The following KANK1 variants were observed in gnomAD, a reference collection of about 807,000 sequenced individuals.
KANK1 encodes KN motif and ankyrin repeat domains 1, also known as KN motif and ankyrin repeat domain-containing protein 1.
In KANK1, 109 loss-of-function variants were observed where a neutral mutation model predicts 106.2. The ratio of observed to expected loss-of-function variants is 1.03; its 90% confidence interval spans 0.88 to 1.20. The LOEUF (loss-of-function observed/expected upper bound fraction) is 1.20. Among genes scored for constraint, KANK1 ranks in the 50% most tolerant of loss-of-function variants. KANK1 has a pLI of 0.00. For missense variants in KANK1, 2,399 were observed against 1,710.7 expected (o/e 1.40, Z -7.10); for synonymous variants, 873 against 652.2 (o/e 1.34, Z -5.16).
chr9:633,342 C>T (rs963753101), intron 1 of KANK1, among the ~76,000 whole-genome samples: 3 of 152,058 alleles, frequency 2.0e-5, no homozygotes, highest in African/African-American at 7.2e-5. Context: ...CCTGTAGTCC[C>T]AGCTACTTGG....
chr9:651,079 C>A (rs1239405268), intron 1 of KANK1, among the ~76,000 whole-genome samples: 1 of 152,118 alleles, frequency 6.6e-6, no homozygotes, highest in Non-Finnish European at 1.5e-5. Context: ...ACAAAAAGTC[C>A]TCATCTGTGA....
At chr9:737,492 C>T (rs1229953674) in intron 7 of KANK1, among the ~76,000 whole-genome samples, 1 of 152,190 alleles carries the variant, frequency 6.6e-6, no homozygotes, top group Admixed American at 6.5e-5. Context: ...TCCTCATCAC[C>T]AGTACTGACT....
At chr9:595,462 A>G (rs1825981401) in intron 1 of KANK1, among the ~76,000 whole-genome samples, 1 of 151,956 alleles carries the variant, frequency 6.6e-6, no homozygotes, top group Admixed American at 6.5e-5. Flanking sequence ...AAAGCCTGCA[A>G]AATGAGCCTG....
intron 2 of KANK1, among the ~76,000 whole-genome samples, chr9:703,349 A>T (rs554202745): frequency 6.6e-6 from 1 of 152,174 alleles, no homozygotes; most frequent in African/African-American, 2.4e-5. Context: ...GGTGTTTGGT[A>T]GTCATCTCTC....
intron 2 of KANK1, among the ~76,000 whole-genome samples, chr9:691,281 A>G (rs898394497): frequency 1.4e-5 from 2 of 140,272 alleles, no homozygotes; most frequent in African/African-American, 5.2e-5. Flanking sequence ...ACCAGAACAC[A>G]ATATTTATGA....
At chr9:518,027 C>CT (rs1211029386) in intron 1 of KANK1, among the ~76,000 whole-genome samples, 2 of 151,632 alleles carry the variant, frequency 1.3e-5, no homozygotes, top group African/African-American at 4.9e-5. Context: ...CATGAGCCAC[C>CT]TTGCCCGGCC....
At chr9:477,673 G>A (rs1270036656) in intron 3 of KANK1, 3 of 152,232 alleles carry the variant, frequency 2.0e-5, no homozygotes, top group Non-Finnish European at 4.4e-5. Context: ...AATCCCAAAA[G>A]AAGAAAAAGA....
At position 543,277 on chromosome 9, in the gene KANK1, C is replaced by T. The variant is rs889343229; in HGVS notation, c.-84+38523C>T. On this transcript the variant is annotated intron_variant, in intron 1 of 11. Transcript: ENST00000382297. ...TAATGTGCTTGGAGAACATTGAGGC[C>T]GGGCACGGTGGCTCATGCTTGTAAT... Among the ~76,000 whole-genome samples, 5 of 151,834 alleles carry T rather than the reference C, an allele frequency of 3.3e-5. No homozygotes were observed. In the South Asian group the frequency reaches 6.2e-4, roughly 19 times the overall value.
Position 731,535 on chromosome 9 carries a change from C to T in KANK1, c.3005+269C>T, listed in dbSNP as rs78267743. 1,195 of 276,392 alleles carry T rather than the reference C, an allele frequency of 4.3e-3. 13 individuals carry two copies. Among genetic ancestry groups the T allele is most frequent in the African/African-American group, 0.019 (865 of 44,996 alleles). The allele number at this position is 276,392 out of a possible 1,614,324, so 17.1% of individuals were successfully genotyped here. On this transcript the variant is annotated intron_variant, in intron 5 of 11. Coordinates refer to ENST00000382297, the MANE Select transcript of KANK1 (RefSeq NM_015158.5). The stretch of plus-strand genomic sequence containing the variant: ...TCTGAAAGAAATAGTCTTCAGCGAA[C>T]GCAGCAGGGTTCCTGCACTGTGTTG...
chr9:576,131 A>G (rs1171774522), intron 1 of KANK1, among the ~76,000 whole-genome samples: 2 of 152,238 alleles, frequency 1.3e-5, no homozygotes, highest in Non-Finnish European at 2.9e-5. Context: ...TTTAGGCCCT[A>G]TCAGACCTAC....
At chr9:653,294 TC>T (rs1044849720) in intron 1 of KANK1, among the ~76,000 whole-genome samples, 15 of 152,094 alleles carry the variant, frequency 9.9e-5, no homozygotes, top group Non-Finnish European at 2.1e-4. Context: ...AAAATGCGGT[TC>T]CCAGGCTCGT....
rs930379147 is a variant in KANK1 at position 742,357 on chromosome 9, C to G, written c.3849C>G (p.Val1283=). The G allele has an allele frequency of 6.2e-7, 1 of 1,614,086 alleles. No homozygotes were observed. The highest frequency in any genetic ancestry group is 1.3e-5 in the African/African-American group (1 of 75,062). ...GCGAGCACGGACACGTGGAGATTGT[C>G]AAGCTGCTGCTGGCCCAGCCCGGCT... is the stretch of plus-strand genomic sequence containing the variant. The part of the protein sequence containing the change: ...CASEHGHVEI[V]KLLLAQPGCN... Residue 1283 remains valine (V), a synonymous_variant, in exon 10 of 12, where the codon GTC becomes GTG. Coordinates refer to ENST00000382297, the MANE Select transcript of KANK1 (RefSeq NM_015158.5).
intron 1 of KANK1, among the ~76,000 whole-genome samples, chr9:528,139 G>GGAAAAA (rs1411435628): frequency 6.4e-5 from 8 of 125,884 alleles, no homozygotes; most frequent in African/African-American, 2.3e-4. Flanking sequence ...TCCGTCTCGG[G>GGAAAAA]AAAAAAAAAA....
At chr9:577,651 AGAAACAGCATCACTTGGAAACTT>A (rs1450876180) in intron 1 of KANK1, among the ~76,000 whole-genome samples, 9 of 152,190 alleles carry the variant, frequency 5.9e-5, no homozygotes, top group Non-Finnish European at 8.8e-5. Context: ...TCCCTTGACC[AGAAACAGCATCACTTGGAAACTT>A]GGTAGAAGTA....
At chr9:537,522 T>G (rs2060363347) in intron 1 of KANK1, among the ~76,000 whole-genome samples, 1 of 152,216 alleles carries the variant, frequency 6.6e-6, no homozygotes, top group African/African-American at 2.4e-5. Flanking sequence ...GGGCTCTTTT[T>G]TTCTCTTGAG....
At position 609,365 on chromosome 9, in the gene KANK1, C is replaced by G. The variant is rs559100870; in HGVS notation, c.-83-67525C>G. On this transcript the variant is annotated intron_variant, in intron 1 of 11. Transcript: ENST00000382297. ...TCAATAGGCTGGGCATCGTGGCTCA[C>G]GCCTGTAATCCCAGCACTTTGGGAG... is the stretch of plus-strand genomic sequence containing the variant. Among the ~76,000 whole-genome samples, 3 of 152,180 alleles carry G rather than the reference C, an allele frequency of 2.0e-5. No homozygotes were observed. The East Asian group carries it at 5.8e-4, about 29-fold the overall frequency.
At chr9:697,663 G>A (rs1200839351) in intron 2 of KANK1, among the ~76,000 whole-genome samples, 2 of 152,020 alleles carry the variant, frequency 1.3e-5, no homozygotes, top group African/African-American at 4.8e-5. Flanking sequence ...ATATTAGTTG[G>A]TATTCCTACA....
At chr9:701,956 C>G (rs1477279618) in intron 2 of KANK1, among the ~76,000 whole-genome samples, 2 of 152,186 alleles carry the variant, frequency 1.3e-5, no homozygotes, top group Admixed American at 6.5e-5. Context: ...GCAAATTTCT[C>G]ACTGTTCTTG....
chr9:682,969 C>T (rs147997569), intron 2 of KANK1, among the ~76,000 whole-genome samples: 2 of 152,078 alleles, frequency 1.3e-5, no homozygotes, highest in East Asian at 1.9e-4. Flanking sequence ...ACTCTGAGCC[C>T]ACTGCGGTGA....
Sources: allele counts gnomAD v4.1 joint callset (sites outside exome capture counted in the v4.1 genomes callset), GRCh38; gene constraint gnomAD v4.1.1; transcripts MANE v1.5; gene names NCBI Gene and HGNC (gene_info 2026-07-23, HGNC 2026-07-21).